Variants in SCLT1 observed in about 807,000 individuals in gnomAD.
SCLT1 encodes sodium channel and clathrin linker 1.
SCLT1 carries 78 observed loss-of-function variants against 112.8 expected under a neutral mutation model. That is an observed-to-expected ratio of 0.69 (90% CI 0.58 to 0.83). The LOEUF (loss-of-function observed/expected upper bound fraction) is 0.83, where lower values mean the gene tolerates loss of function less well. Ranked by LOEUF, SCLT1 falls within the 40% of genes least tolerant of loss-of-function variation. The probability of loss-of-function intolerance (pLI) is 0.00; values close to 1 mark genes in which losing one functional copy is unlikely to be tolerated. For missense variants in SCLT1, 747 were observed against 770.4 expected (o/e 0.97, Z 0.36); for synonymous variants, 257 against 254.7 (o/e 1.01, Z -0.09).
chr4:129,025,143 G>C (rs951741623), intron 5 of SCLT1, among the ~76,000 whole-genome samples: 7 of 152,212 alleles, frequency 4.6e-5, no homozygotes, highest in African/African-American at 1.7e-4. Flanking sequence ...TTATTCAGGA[G>C]AACTTCCCCA....
chr4:129,019,328 T>C (rs1745248704), intron 5 of SCLT1, among the ~76,000 whole-genome samples: 1 of 152,218 alleles, frequency 6.6e-6, no homozygotes, highest in African/African-American at 2.4e-5. Flanking sequence ...ACACAATGTC[T>C]GTATTTCTTT....
chr4:128,899,637 C>A (rs1346675253), intron 18 of SCLT1, among the ~76,000 whole-genome samples: 4 of 152,144 alleles, frequency 2.6e-5, no homozygotes, highest in Non-Finnish European at 4.4e-5. Context: ...TCCTCTCTCA[C>A]CACTCCTATT....
At chr4:129,051,991 GTT>G (rs1008924901) in intron 2 of SCLT1, among the ~76,000 whole-genome samples, 1 of 152,098 alleles carries the variant, frequency 6.6e-6, no homozygotes, top group African/African-American at 2.4e-5. Context: ...TAATCGTGTG[GTT>G]TTTGTCACTG....
intron 3 of SCLT1, among the ~76,000 whole-genome samples, chr4:128,878,789 A>AT (rs1732575290): frequency 1.3e-5 from 2 of 152,154 alleles, no homozygotes; most frequent in South Asian, 4.1e-4. Context: ...GCTTAGATCT[A>AT]TTTTTTTCTA....
chr4:129,073,890 A>C (rs1410857354), intron 2 of SCLT1, among the ~76,000 whole-genome samples: 1 of 152,112 alleles, frequency 6.6e-6, no homozygotes, highest in Non-Finnish European at 1.5e-5. Context: ...TATTCCCTAA[A>C]TACAACTCTC....
chr4:128,915,902 T>G (rs1003358187), intron 18 of SCLT1, among the ~76,000 whole-genome samples: 4 of 152,134 alleles, frequency 2.6e-5, no homozygotes, highest in African/African-American at 9.7e-5. Flanking sequence ...TTACTGACAG[T>G]GATGAATGCT....
chr4:129,043,456 G>C lies in SCLT1; in HGVS notation c.173C>G (p.Pro58Arg). Residue 58 changes from proline to arginine, a missense_variant, in exon 4 of 21, where the codon CCT becomes CGT. Around this residue, in one of 2 missense-constraint regions of SCLT1, gnomAD observed 723 missense variants for 721.3 expected, o/e 1.00. Coordinates refer to ENST00000281142, the MANE Select transcript of SCLT1 (RefSeq NM_144643.4). ...GTGTTTATCATACTCAGTAACAAGAGGAGCTAAAAAGCTAAAAAAAGACAA... is the reference window on the plus strand; with the variant it reads ...GTGTTTATCATACTCAGTAACAAGACGAGCTAAAAAGCTAAAAAAAGACAA... ...NLVFDQSFLA[P>R]LVTEYDKHLG... The C allele has an allele frequency of 6.6e-7, 1 of 1,511,826 alleles. No individual in the cohort carries two copies. The highest frequency in any genetic ancestry group is 2.3e-5 in the East Asian group (1 of 43,854). The allele number at this position is 1,511,826 out of a possible 1,614,324, so 93.7% of individuals were successfully genotyped here. A position where few individuals can be genotyped will look rare whatever the true frequency, so the allele number is the denominator to read the frequency against.
chr4:128,959,817 T>A, intron 11 of SCLT1, 40 bp from the exon 12 acceptor site: 1 of 1,522,002 alleles, frequency 6.6e-7, no homozygotes, highest in Non-Finnish European at 9.1e-7. Flanking sequence ...TAAACTTTTT[T>A]AAAGGGAAGG....
intron 16 of SCLT1, chr4:128,944,506 C>T (rs967371257): frequency 3.9e-5 from 6 of 152,064 alleles, no homozygotes; most frequent in Non-Finnish European, 7.4e-5. Flanking sequence ...GGAGGAAACT[C>T]TACATTACTA....
intron 5 of SCLT1, among the ~76,000 whole-genome samples, chr4:129,023,400 C>T (rs149727660): frequency 0.01 from 1,568 of 152,206 alleles, 12 homozygotes; most frequent in Non-Finnish European, 0.015. Flanking sequence ...TTCAGGAGAC[C>T]TATCTCACGT....
At chr4:129,069,666 G>C (rs930586434) in intron 2 of SCLT1, among the ~76,000 whole-genome samples, 6 of 152,086 alleles carry the variant, frequency 3.9e-5, no homozygotes, top group African/African-American at 1.4e-4. Flanking sequence ...GGAGTCCTTA[G>C]GGTTTTCAAG....
At chr4:129,044,433 C>A (rs144884994) in intron 2 of SCLT1, among the ~76,000 whole-genome samples, 1 of 151,182 alleles carries the variant, frequency 6.6e-6, no homozygotes, top group East Asian at 1.9e-4. Flanking sequence ...AGATAATACA[C>A]GAAAAGTCAC....
At chr4:129,011,461 T>C (rs1007779918) in intron 5 of SCLT1, among the ~76,000 whole-genome samples, 8 of 152,178 alleles carry the variant, frequency 5.3e-5, no homozygotes, top group African/African-American at 1.9e-4. Flanking sequence ...GTTGCATTGG[T>C]CTATGTGCCT....
At chr4:129,053,557 ATTTTTTTTTTTTTTTTTT>A (rs528905688) in intron 2 of SCLT1, among the ~76,000 whole-genome samples, 61 of 45,242 alleles carry the variant, frequency 1.3e-3, no homozygotes, top group Non-Finnish European at 1.5e-3. Flanking sequence ...GCAATCCCTG[ATTTTTTTTTTTTTTTTTT>A]TTTTTTTTTT....
intron 14 of SCLT1, among the ~76,000 whole-genome samples, chr4:128,951,967 T>C (rs1208930786): frequency 6.6e-6 from 1 of 152,084 alleles, no homozygotes; most frequent in Non-Finnish European, 1.5e-5. Flanking sequence ...TACCATTCAG[T>C]TGATAAACAT....
chr4:129,068,083 T>C (rs1348547579), intron 2 of SCLT1, among the ~76,000 whole-genome samples: 1 of 152,176 alleles, frequency 6.6e-6, no homozygotes, highest in Non-Finnish European at 1.5e-5. Context: ...AGTCAGAACA[T>C]ACAATGTTTG....
intron 20 of SCLT1, among the ~76,000 whole-genome samples, chr4:128,886,110 T>C (rs1732874808): frequency 1.3e-5 from 2 of 152,252 alleles, no homozygotes; most frequent in Admixed American, 6.5e-5. Context: ...TTAATTTTTT[T>C]CTTAGCTTCT....
At chr4:128,987,982 A>G (rs1412121586) in intron 9 of SCLT1, among the ~76,000 whole-genome samples, 1 of 152,136 alleles carries the variant, frequency 6.6e-6, no homozygotes, top group Non-Finnish European at 1.5e-5. Context: ...TCTTTCAAAC[A>G]TAGAGGAGAA....
chr4:128,887,491 GAAT>G (rs1331977142), intron 20 of SCLT1, among the ~76,000 whole-genome samples: 2 of 152,074 alleles, frequency 1.3e-5, no homozygotes, highest in Non-Finnish European at 2.9e-5. Flanking sequence ...TAATAGTTAA[GAAT>G]AATATTAATT....
Sources: allele counts gnomAD v4.1 joint callset (sites outside exome capture counted in the v4.1 genomes callset), GRCh38; gene constraint gnomAD v4.1.1; regional missense constraint gnomAD v4.1.1; transcripts MANE v1.5; gene names NCBI Gene and HGNC (gene_info 2026-07-23, HGNC 2026-07-21).